MTCL3: variants seen among roughly 807,000 people sequenced by gnomAD.
MTCL3 encodes the protein MTCL family member 3.
At chr6:127,516,563 G>C in the MTCL3 span, 1 of 1,598,114 alleles carries the variant, frequency 6.3e-7, no homozygotes, top group Non-Finnish European at 8.5e-7. Context: ...GCAGCGGCGG[G>C]AGAAGCTGCT....
the MTCL3 span, among the ~76,000 whole-genome samples, chr6:127,511,998 G>T: frequency 6.6e-6 from 1 of 152,172 alleles, no homozygotes; most frequent in African/African-American, 2.4e-5. Context: ...AAGACAACTT[G>T]TGCATTTGCT....
chr6:127,515,631 G>A, the MTCL3 span: 164 of 1,418,034 alleles, frequency 1.2e-4, no homozygotes, highest in Admixed American at 1.4e-4. This position sits in a 1 kb window ranked among gnomAD's most constrained non-coding sequence, Gnocchi z 4.3. Flanking sequence ...GCATGCCCCC[G>A]CCGCTCGCGC....
the MTCL3 span, chr6:127,476,166 G>C: frequency 6.2e-7 from 1 of 1,614,136 alleles, no homozygotes; most frequent in Non-Finnish European, 8.5e-7. The surrounding 1 kb of genome is among the most constrained non-coding windows in gnomAD (Gnocchi z 4.4). Flanking sequence ...CCCTAAGGTC[G>C]TCCAGTTCCG....
chr6:127,482,116 G>T, the MTCL3 span, among the ~76,000 whole-genome samples: 18 of 152,172 alleles, frequency 1.2e-4, no homozygotes, highest in African/African-American at 4.3e-4. The surrounding 1 kb of genome is among the most constrained non-coding windows in gnomAD (Gnocchi z 4.1). Context: ...AGCCCTCAGG[G>T]CTGCTCTGCT....
At chr6:127,513,430 A>G in the MTCL3 span, among the ~76,000 whole-genome samples, 1 of 152,198 alleles carries the variant, frequency 6.6e-6, no homozygotes, top group Non-Finnish European at 1.5e-5. Flanking sequence ...ACATGTAGAG[A>G]AATTTCACAA....
At chr6:127,504,861 C>T in the MTCL3 span, among the ~76,000 whole-genome samples, 1 of 152,160 alleles carries the variant, frequency 6.6e-6, no homozygotes, top group Non-Finnish European at 1.5e-5. Flanking sequence ...AGCTGAGGAT[C>T]AGTGCTGGTT....
At chr6:127,491,918 C>T in the MTCL3 span, among the ~76,000 whole-genome samples, 1 of 151,488 alleles carries the variant, frequency 6.6e-6, no homozygotes, top group Non-Finnish European at 1.5e-5. Flanking sequence ...ACTCTACTTC[C>T]GTACCTCTTC....
chr6:127,475,412 A>G, the MTCL3 span: 2 of 1,613,178 alleles, frequency 1.2e-6, no homozygotes, highest in South Asian at 2.2e-5. The surrounding 1 kb of genome is among the most constrained non-coding windows in gnomAD (Gnocchi z 7.3). Flanking sequence ...TTGATGCGGT[A>G]GAGCAGCTCG....
chr6:127,516,437 G>C, the MTCL3 span: 1 of 1,600,088 alleles, frequency 6.2e-7, no homozygotes, highest in South Asian at 1.1e-5. Context: ...GCCCCCACTG[G>C]GGACCGGGTG....
At chr6:127,492,758 G>A in the MTCL3 span, among the ~76,000 whole-genome samples, 1 of 152,156 alleles carries the variant, frequency 6.6e-6, no homozygotes, top group Non-Finnish European at 1.5e-5. Flanking sequence ...TCATGACCTC[G>A]TGATCCACTC....
the MTCL3 span, among the ~76,000 whole-genome samples, chr6:127,498,906 G>A: frequency 4.6e-5 from 7 of 152,110 alleles, no homozygotes; most frequent in African/African-American, 1.7e-4. Flanking sequence ...TGGCTGATTG[G>A]GGTTAGAGCT....
the MTCL3 span, among the ~76,000 whole-genome samples, chr6:127,513,430 A>T: frequency 6.6e-6 from 1 of 152,198 alleles, no homozygotes; most frequent in African/African-American, 2.4e-5. Context: ...ACATGTAGAG[A>T]AATTTCACAA....
the MTCL3 span, among the ~76,000 whole-genome samples, chr6:127,494,760 C>T: frequency 3.3e-5 from 5 of 152,126 alleles, no homozygotes; most frequent in South Asian, 8.3e-4. Flanking sequence ...CAAAGCAAGA[C>T]CACCTTGCTT....
At chr6:127,486,860 C>T in the MTCL3 span, among the ~76,000 whole-genome samples, 8 of 152,176 alleles carry the variant, frequency 5.3e-5, no homozygotes, top group East Asian at 5.8e-4. Flanking sequence ...TATGTAGCAT[C>T]TTTATGTTTT....
chr6:127,475,280 G>C, the MTCL3 span: 8 of 1,587,120 alleles, frequency 5.0e-6, no homozygotes, highest in Admixed American at 3.4e-5. This position sits in a 1 kb window ranked among gnomAD's most constrained non-coding sequence, Gnocchi z 7.3. Flanking sequence ...GCTCGCAATA[G>C]GCAGAACTGT....
the MTCL3 span, among the ~76,000 whole-genome samples, chr6:127,498,505 T>G: frequency 6.6e-6 from 1 of 152,292 alleles, no homozygotes; most frequent in Non-Finnish European, 1.5e-5. Context: ...GCAGCCCCTT[T>G]GGAAAACAGT....
the MTCL3 span, among the ~76,000 whole-genome samples, chr6:127,510,497 T>C: frequency 6.6e-6 from 1 of 152,206 alleles, no homozygotes; most frequent in Non-Finnish European, 1.5e-5. Context: ...TTCTGGCTAA[T>C]GGATAGACAG....
At chr6:127,508,408 A>G in the MTCL3 span, among the ~76,000 whole-genome samples, 1 of 152,194 alleles carries the variant, frequency 6.6e-6, no homozygotes, top group African/African-American at 2.4e-5. Context: ...AAAACCAGAG[A>G]CGCTGTTAAA....
the MTCL3 span, among the ~76,000 whole-genome samples, chr6:127,510,263 C>G: frequency 6.6e-6 from 1 of 152,204 alleles, no homozygotes; most frequent in African/African-American, 2.4e-5. Context: ...CAAATTGCCT[C>G]TTTGGTATGA....
Sources: allele counts gnomAD v4.1 joint callset (sites outside exome capture counted in the v4.1 genomes callset), GRCh38; gene constraint gnomAD v4.1.1; non-coding constraint Gnocchi (gnomAD v3.1); transcripts MANE v1.5; gene names NCBI Gene and HGNC (gene_info 2026-07-23, HGNC 2026-07-21).